Variants in FBXO11 observed in about 807,000 individuals in gnomAD.
FBXO11 encodes the protein F-box only protein 11.
A neutral mutation model predicts 117.0 loss-of-function variants in FBXO11; 13 were observed. The observed-to-expected ratio is 0.11, with a 90% confidence interval of 0.07 to 0.18. FBXO11 has a LOEUF of 0.18. Ranked by LOEUF, FBXO11 falls within the 10% of genes least tolerant of loss-of-function variation. FBXO11 has a pLI of 1.00. For synonymous variants in FBXO11, 490 were observed against 380.5 expected (o/e 1.29, Z -3.35); for missense variants, 767 against 1,164.4 (o/e 0.66, Z 4.97).
At chr2:47,814,110 A>C (rs1365559233) in intron 16 of FBXO11, 1 of 389,876 alleles carries the variant, frequency 2.6e-6, no homozygotes, top group African/African-American at 2.0e-5. Flanking sequence ...AAATGGGGTT[A>C]TATTAAGTGA....
intron 1 of FBXO11, among the ~76,000 whole-genome samples, chr2:47,889,183 G>A (rs1677083460): frequency 6.6e-6 from 1 of 152,040 alleles, no homozygotes; most frequent in Non-Finnish European, 1.5e-5. Context: ...ACTGCTTCAT[G>A]AAAAAACAAA....
intron 22 of FBXO11, 34 bp from the exon 23 acceptor site, chr2:47,808,281 TG>T: frequency 1.2e-6 from 2 of 1,612,528 alleles, no homozygotes; most frequent in Non-Finnish European, 1.7e-6. Context: ...ATTAGAAAAG[TG>T]AGGGGGAAAG....
chr2:47,838,037 G>C (rs527817785), intron 4 of FBXO11, among the ~76,000 whole-genome samples: 1 of 143,246 alleles, frequency 7.0e-6, no homozygotes, highest in Non-Finnish European at 1.5e-5. Flanking sequence ...ATCAGACTGA[G>C]TAACAGAGTG....
At position 47,807,028 on chromosome 2, in the gene FBXO11, T is replaced by TACTCCACAATATA. The variant is rs1670254796; in HGVS notation, c.*1077_*1089dup. 1 of 634,256 alleles carries TACTCCACAATATA rather than the reference T, an allele frequency of 1.6e-6. No homozygotes were observed. Among genetic ancestry groups the TACTCCACAATATA allele is most frequent in the Non-Finnish European group, 2.8e-6 (1 of 360,900 alleles). 39.3% of individuals were successfully genotyped at this position (634,256 alleles called of 1,614,324 possible). ...TACCTTCTACATAATGGTTATTGAA[T>TACTCCACAATATA]ACTCCACAATATATTAAGTCTAGAT... On this transcript the variant is annotated 3_prime_UTR_variant, in exon 23 of 23. Coordinates refer to ENST00000403359, the MANE Select transcript of FBXO11 (RefSeq NM_001190274.2).
Position 47,832,858 on chromosome 2 carries a change from G to A in FBXO11, c.1064C>T (p.Ala355Val), listed in dbSNP as rs1349769905. 6.2e-7 allele frequency: 1 copy of A among 1,613,912 alleles called. No individual in the cohort carries two copies. The highest frequency in any genetic ancestry group is 8.5e-7 in the Non-Finnish European group (1 of 1,179,878). Residue 355 changes from alanine (A) to valine (V), a missense_variant, in exon 9 of 23, where the codon GCA (alanine) becomes GTA (valine). Physicochemically the swap from Ala to Val is moderately conservative, Grantham distance 64. Transcript: ENST00000403359. ...GCAGTGGTGTGCATTGTGGTGTTGT[G>A]CAGATTTGTCATCAGGGTTAAACTG... ...TIRFNPDDKSAQHHNAHHCLE... is the reference protein window; with the variant it reads ...TIRFNPDDKSVQHHNAHHCLE...
In FBXO11 at chr2:47,832,461, G is replaced by A. The variant is rs773388275; in HGVS notation, c.1286C>T (p.Ser429Phe). 6.2e-7 allele frequency: 1 copy of A among 1,613,514 alleles called. No homozygotes were observed. ...AQGIYEDNEI[S>F]NNALAGIWVK... Reference sequence around the variant, plus strand: ...CCAAATCCCAGCTAACGCATTATTGGAAATTTCATTATCCTCATATATTCC... The same window carrying A: ...CCAAATCCCAGCTAACGCATTATTGAAAATTTCATTATCCTCATATATTCC... The change falls in exon 11 of 23, where the codon TCC (serine) becomes TTC (phenylalanine). Residue 429 changes from serine (S) to phenylalanine (F), a missense_variant. By Grantham distance (155) the Ser-to-Phe change is radical (BLOSUM62 -2). Around this residue, in one of 10 missense-constraint regions of FBXO11, gnomAD observed 33 missense variants for 66.1 expected, o/e 0.50. Transcript: ENST00000403359.
intron 17 of FBXO11, 48 bp from the exon 18 acceptor site, chr2:47,813,425 A>ATTTTTTTTTATTTTTTTTTT: frequency 3.1e-6 from 1 of 327,432 alleles, no homozygotes; most frequent in Non-Finnish European, 4.2e-6. Flanking sequence ...TTTCTTTTTA[A>ATTTTTTTTTATTTTTTTTTT]TTTTTTTTTT....
chr2:47,861,907 GT>G (rs367983630), intron 1 of FBXO11, among the ~76,000 whole-genome samples: 7,282 of 145,794 alleles, frequency 0.05, 182 homozygotes, highest in Non-Finnish European at 0.06. Context: ...GTAAGGTTAA[GT>G]TTTTTTTTTT....
chr2:47,902,859 G>C (rs1678400137), intron 1 of FBXO11, among the ~76,000 whole-genome samples: 1 of 151,120 alleles, frequency 6.6e-6, no homozygotes, highest in South Asian at 2.1e-4. Context: ...CCACTATTAA[G>C]TAACTCTATC....
intron 1 of FBXO11, among the ~76,000 whole-genome samples, chr2:47,849,196 A>G (rs1217369476): frequency 3.3e-5 from 5 of 152,240 alleles, no homozygotes; most frequent in Non-Finnish European, 7.3e-5. Context: ...AAATTTAAAT[A>G]CTTATAAAGT....
chr2:47,873,569 C>T (rs921644509), intron 1 of FBXO11, among the ~76,000 whole-genome samples: 37 of 152,270 alleles, frequency 2.4e-4, no homozygotes, highest in African/African-American at 8.9e-4. Context: ...ATATGGCCCT[C>T]AAAGGCACTT....
chr2:47,902,452 A>C (rs1038821066), intron 1 of FBXO11, among the ~76,000 whole-genome samples: 4 of 152,210 alleles, frequency 2.6e-5, no homozygotes, highest in Non-Finnish European at 4.4e-5. Flanking sequence ...CAAAGATTTT[A>C]ATCTATAGGG....
chr2:47,857,744 T>A (rs1674423542), intron 1 of FBXO11, among the ~76,000 whole-genome samples: 3 of 152,128 alleles, frequency 2.0e-5, no homozygotes, highest in African/African-American at 7.2e-5. Context: ...GAGAAGGAAG[T>A]CTTCAGGAAC....
At chr2:47,864,199 T>G (rs886546657) in intron 1 of FBXO11, among the ~76,000 whole-genome samples, 7 of 152,188 alleles carry the variant, frequency 4.6e-5, no homozygotes, top group Non-Finnish European at 8.8e-5. Flanking sequence ...TCCTATTCAT[T>G]AAATATAAAA....
At chr2:47,879,864 T>G (rs1175754220) in intron 1 of FBXO11, among the ~76,000 whole-genome samples, 1 of 152,262 alleles carries the variant, frequency 6.6e-6, no homozygotes, top group Non-Finnish European at 1.5e-5. Flanking sequence ...AGTATTTGTC[T>G]TTTTGTGACT....
At chr2:47,870,449 G>C (rs919564685) in intron 1 of FBXO11, among the ~76,000 whole-genome samples, 1 of 152,006 alleles carries the variant, frequency 6.6e-6, no homozygotes, top group African/African-American at 2.4e-5. Context: ...TTTAGGGTGG[G>C]GCCTAATTCA....
At chr2:47,831,259 A>G (rs1211923807) in intron 11 of FBXO11, among the ~76,000 whole-genome samples, 1 of 151,718 alleles carries the variant, frequency 6.6e-6, no homozygotes, top group East Asian at 2.0e-4. Flanking sequence ...TCTACTAAAA[A>G]TACAAAATTA....
chr2:47,884,524 C>T (rs1399531744), intron 1 of FBXO11, among the ~76,000 whole-genome samples: 7 of 152,152 alleles, frequency 4.6e-5, no homozygotes. Context: ...GAGGTTGATG[C>T]ATTTTTCCTC....
intron 1 of FBXO11, among the ~76,000 whole-genome samples, chr2:47,904,635 G>C (rs539968295): frequency 6.6e-6 from 1 of 150,542 alleles, no homozygotes; most frequent in African/African-American, 2.5e-5. Context: ...ATATCCCAAG[G>C]GGCCAGTTCT....
Sources: gnomAD v4.1 joint callset for allele counts (sites outside exome capture counted in the v4.1 genomes callset) on GRCh38, gnomAD v4.1.1 for gene constraint, gnomAD v4.1.1 regional missense constraint, MANE v1.5 for transcripts, NCBI Gene and HGNC (gene_info 2026-07-23, HGNC 2026-07-21) for gene names.